Variants in CSAD observed in about 807,000 individuals in gnomAD.
CSAD encodes the protein P-selectin cytoplasmic tail-associated protein.
Under a neutral mutation model 61.5 loss-of-function variants are expected in CSAD, and 47 were observed. The ratio of observed to expected loss-of-function variants is 0.76; its 90% confidence interval spans 0.60 to 0.97. CSAD has a LOEUF of 0.97. Among genes scored for constraint, CSAD ranks in the 50% least tolerant of loss-of-function variants. The pLI, the probability that CSAD is intolerant of heterozygous loss-of-function variation, is 0.00. For synonymous variants in CSAD, 245 were observed against 252.7 expected, an observed-to-expected ratio of 0.97 and a Z score of 0.29; for missense variants, 611 against 643.6, an observed-to-expected ratio of 0.95 and a Z score of 0.55.
At chr12:53,165,826 A>G (rs1939869290) in intron 10 of CSAD, among the ~76,000 whole-genome samples, 1 of 152,330 alleles carries the variant, frequency 6.6e-6, no homozygotes, top group Non-Finnish European at 1.5e-5. Flanking sequence ...CATATGCTCC[A>G]GCAATTCCAC....
chr12:53,173,761 C>T lies in CSAD; in HGVS notation c.-40G>A. Reference sequence around the variant, plus strand: ...TCAGGAGAGCCGGAGGCAGGGTGCACAGGTAGCTCCTCAGGACAGCAGGAC... The same window carrying T: ...TCAGGAGAGCCGGAGGCAGGGTGCATAGGTAGCTCCTCAGGACAGCAGGAC... On this transcript the variant is annotated 5_prime_UTR_variant, in exon 3 of 17. It adds an upstream start codon to the 5' untranslated region. Coordinates refer to ENST00000444623, the MANE Select transcript of CSAD (RefSeq NM_001244705.2). 2 of 1,613,378 alleles carry T rather than the reference C, an allele frequency of 1.2e-6. No homozygotes were observed. Among genetic ancestry groups the T allele is most frequent in the Non-Finnish European group, 1.7e-6 (2 of 1,179,528 alleles).
At chr12:53,170,150 A>T in intron 9 of CSAD, 24 bp from the exon 10 acceptor site, 1 of 1,609,858 alleles carries the variant, frequency 6.2e-7, no homozygotes, top group Non-Finnish European at 8.5e-7. Context: ...TGCAGAGGGT[A>T]GAGCAGGGAC....
chr12:53,181,179 C>T (rs1401247568), upstream of CSAD: 4 of 985,388 alleles, frequency 4.1e-6, no homozygotes, highest in Non-Finnish European at 3.6e-6. Flanking sequence ...ACACGCCGCG[C>T]CGGGCTTCGC....
chr12:53,181,213 C>G (rs1941613478), upstream of CSAD: 1 of 985,344 alleles, frequency 1.0e-6, no homozygotes, highest in African/African-American at 1.7e-5. Context: ...ACCTCCGCAG[C>G]AAGTTTCCCT....
At chr12:53,180,493 C>G (rs1439442018) in intron 1 of CSAD, 35 of 1,234,116 alleles carry the variant, frequency 2.8e-5, no homozygotes, top group Non-Finnish European at 3.4e-5. Context: ...CCGGGGCGCG[C>G]CCCGGCCACG....
rs1238817102 is a variant in CSAD, at chr12:53,158,034, G to A, written c.*477C>T. On this transcript the variant is annotated 3_prime_UTR_variant, in exon 17 of 17. Coordinates refer to ENST00000444623, the MANE Select transcript of CSAD (RefSeq NM_001244705.2). ...TAACATTTCATCATATAGACATACT[G>A]TAATTTATTTAAACACTCTCCTAAA... is the stretch of plus-strand genomic sequence containing the variant. 1 of 152,252 alleles carries A rather than the reference G, an allele frequency of 6.6e-6. No individual in the cohort carries two copies. Among genetic ancestry groups the A allele is most frequent in the Admixed American group, 6.5e-5 (1 of 15,278 alleles). 9.4% of individuals were successfully genotyped at this position (152,252 alleles called of 1,614,324 possible).
intron 2 of CSAD, among the ~76,000 whole-genome samples, chr12:53,177,023 G>T (rs975163347): frequency 6.6e-6 from 1 of 151,998 alleles, no homozygotes; most frequent in African/African-American, 2.4e-5. Context: ...GAGCCACCTC[G>T]CCTGGCCAAA....
rs566606327 is a variant in CSAD at position 53,172,243 on chromosome 12, C to G, written c.344+103G>C. 8.6e-5 allele frequency: 93 copies of G among 1,082,108 alleles called. 1 individual carries two copies. The South Asian group carries it at 1.1e-3, about 13-fold the overall frequency. The allele number at this position is 1,082,108 out of a possible 1,614,324, so 67.0% of individuals were successfully genotyped here. A position where few individuals can be genotyped will look rare whatever the true frequency, so the allele number is the denominator to read the frequency against. ...CTCTGCCGACAGGGATTCCCAGAAG[C>G]AGTAGAGAGAGGGCAGAACCATTCT... On this transcript the variant is annotated intron_variant, in intron 6 of 16. Transcript: ENST00000444623.
chr12:53,159,548 C>A, intron 16 of CSAD, 75 bp downstream of exon 16: 1 of 1,313,368 alleles, frequency 7.6e-7, no homozygotes, highest in Non-Finnish European at 1.1e-6. Context: ...ATGCCACTCC[C>A]AGCCAACAGG....
Position 53,172,518 on chromosome 12 carries a change from C to A in CSAD, c.253+4G>T, listed in dbSNP as rs376852090. The A allele has an allele frequency of 6.2e-7, 1 of 1,614,026 alleles. No homozygotes were observed. Among genetic ancestry groups the A allele is most frequent in the African/African-American group, 1.3e-5 (1 of 74,916 alleles). ...GTCTCCTCCTCACAGAAGCCAGGGC[C>A]CACCAGTCTTGACACTGTAGCGAAT... On this transcript the variant is annotated splice_donor_region_variant and intron_variant, in intron 5 of 16. Coordinates refer to ENST00000444623, the MANE Select transcript of CSAD (RefSeq NM_001244705.2).
intron 1 of CSAD, chr12:53,179,918 G>C: frequency 6.2e-7 from 1 of 1,601,416 alleles, no homozygotes; most frequent in African/African-American, 1.3e-5. Flanking sequence ...TCCTAATGCA[G>C]CCTGGCCCAA....
intron 8 of CSAD, chr12:53,171,090 G>A (rs556841577): frequency 1.5e-6 from 1 of 670,578 alleles, no homozygotes; most frequent in Admixed American, 2.1e-5. Context: ...CTCTTGAGTA[G>A]GAAGAGTATG....
intron 10 of CSAD, among the ~76,000 whole-genome samples, chr12:53,165,418 T>C (rs528844096): frequency 6.6e-6 from 1 of 150,744 alleles, no homozygotes; most frequent in South Asian, 2.1e-4. Flanking sequence ...CCCAGCACTT[T>C]GGGAGGCCGA....
At position 53,159,675 on chromosome 12, in the gene CSAD, G is replaced by T. The variant is rs140401098; in HGVS notation, c.1256C>A (p.Pro419His). The change falls in exon 16 of 17, where the codon CCC becomes CAC. Residue 419 changes from proline (P) to histidine (H), a missense_variant. Pro to His is a moderately conservative substitution (Grantham distance 77). Transcript: ENST00000444623. ...FVNVCFWFVP[P>H]SLRGKQESPD... is the part of the protein sequence containing the mutation. ...ACTCTCCTGCTTCCCTCGCAGGCTG[G>T]GGGGTACGAACCAGAAACACACATT... 3.5e-4 allele frequency: 558 copies of T among 1,611,576 alleles called. No homozygotes were observed. The African/African-American group carries it at 4.4e-3, about 13-fold the overall frequency.
At chr12:53,180,505 C>T in intron 1 of CSAD, 1 of 1,259,220 alleles carries the variant, frequency 7.9e-7, no homozygotes, top group Non-Finnish European at 1.0e-6. Context: ...CCGGCCACGG[C>T]GCACGCGCCG....
At chr12:53,159,767 C>A in intron 15 of CSAD, 55 bp from the exon 16 acceptor site, 1 of 1,536,214 alleles carries the variant, frequency 6.5e-7, no homozygotes, top group East Asian at 2.4e-5. Context: ...ACCGTTTTCC[C>A]TCTCCCTGCC....
chr12:53,172,974 G>A (rs1183157057), intron 4 of CSAD, among the ~76,000 whole-genome samples: 5 of 152,172 alleles, frequency 3.3e-5, no homozygotes, highest in South Asian at 2.1e-4. Flanking sequence ...TTGGGAGGCC[G>A]AGGCAGGCAG....
chr12:53,179,890 A>G (rs1030498450), intron 1 of CSAD: 19 of 1,611,092 alleles, frequency 1.2e-5, no homozygotes, highest in South Asian at 2.2e-5. Flanking sequence ...GAATTTGAAG[A>G]CAGTCTGGTT....
Position 53,170,478 on chromosome 12 carries a change from C to T in CSAD, c.592G>A (p.Ala198Thr), listed in dbSNP as rs745745881. 6.2e-7 allele frequency: 1 copy of T among 1,614,062 alleles called. No individual in the cohort carries two copies. Residue 198 changes from alanine (A) to threonine (T), a missense_variant, in exon 9 of 17, where the codon GCT becomes ACT. Ala to Thr is a moderately conservative substitution (Grantham distance 58, BLOSUM62 0). Coordinates refer to ENST00000444623, the MANE Select transcript of CSAD (RefSeq NM_001244705.2). ...KECHYSIQKG[A>T]AFLGLGTDSV... ...TCGGTGCCAAGTCCCAGAAACGCAG[C>T]TCCCTTCTGGATGGAGTAGTGACAC...
Sources: gnomAD v4.1 joint callset for allele counts (sites outside exome capture counted in the v4.1 genomes callset) on GRCh38, gnomAD v4.1.1 for gene constraint, MANE v1.5 for transcripts, NCBI Gene and HGNC (gene_info 2026-07-23, HGNC 2026-07-21) for gene names.